UVRAG: variants seen among roughly 807,000 people sequenced by gnomAD.
UVRAG encodes the protein UV radiation resistance-associated gene protein.
UVRAG carries 19 observed loss-of-function variants against 78.0 expected under a neutral mutation model. That is an observed-to-expected ratio of 0.24 (90% CI 0.17 to 0.36). UVRAG has a LOEUF of 0.36. UVRAG is among the 10% of genes least tolerant of loss of function. The pLI is 1.00. For synonymous variants in UVRAG, 323 were observed against 324.6 expected, an observed-to-expected ratio of 1.00 and a Z score of 0.05; for missense variants, 740 against 853.8, an observed-to-expected ratio of 0.87 and a Z score of 1.66.
At chr11:75,834,763 G>A (rs1235253444) in intron 1 of UVRAG, among the ~76,000 whole-genome samples, 2 of 152,070 alleles carry the variant, frequency 1.3e-5, no homozygotes, top group African/African-American at 2.4e-5. Context: ...GTGGTGAGCC[G>A]GGATTGTGCC....
intron 2 of UVRAG, among the ~76,000 whole-genome samples, chr11:75,856,841 G>A (rs1946303828): frequency 6.6e-6 from 1 of 152,144 alleles, no homozygotes; most frequent in Non-Finnish European, 1.5e-5. Flanking sequence ...TTGGGGTCTA[G>A]TAGGTAACTT....
At chr11:75,838,824 G>A (rs1364424541) in intron 1 of UVRAG, 1 of 152,188 alleles carries the variant, frequency 6.6e-6, no homozygotes, top group Non-Finnish European at 1.5e-5. Context: ...CCATACCTCT[G>A]CCCTGATGAG....
At position 76,130,935 on chromosome 11, in the gene UVRAG, G is replaced by GTT. The variant is rs113202978; in HGVS notation, c.1398-9766_1398-9765dup. On this transcript the variant is annotated intron_variant, in intron 14 of 14. Coordinates refer to ENST00000356136, the MANE Select transcript of UVRAG (RefSeq NM_003369.4). ...AAAGGCAGAGGTTTTGGGTTTTTTT[G>GTT]TTTTTTTTTTTCATTTTTTCCCTGG... Among the ~76,000 whole-genome samples the GTT allele has an allele frequency of 8.4e-5, 12 of 142,012 alleles. No individual in the cohort carries two copies. The South Asian group carries it at 8.9e-4, about 11-fold the overall frequency. 93.2% of individuals were successfully genotyped at this position (142,012 alleles called of 152,430 possible).
intron 8 of UVRAG, among the ~76,000 whole-genome samples, chr11:75,994,888 G>A (rs1418132835): frequency 6.6e-6 from 1 of 152,186 alleles, no homozygotes; most frequent in Non-Finnish European, 1.5e-5. Flanking sequence ...TATGGCTGAA[G>A]TGAATTTTCT....
At chr11:76,069,921 A>G (rs1018721775) in intron 13 of UVRAG, among the ~76,000 whole-genome samples, 2 of 152,198 alleles carry the variant, frequency 1.3e-5, no homozygotes, top group Non-Finnish European at 2.9e-5. Flanking sequence ...GACAAAAACT[A>G]TTTTGCACAT....
At chr11:75,872,724 T>C (rs1021437563) in intron 3 of UVRAG, among the ~76,000 whole-genome samples, 1 of 152,172 alleles carries the variant, frequency 6.6e-6, no homozygotes, top group Non-Finnish European at 1.5e-5. Flanking sequence ...AGATATTGAC[T>C]TTGTCTTCCT....
At chr11:76,077,805 A>G (rs1951430336) in intron 13 of UVRAG, among the ~76,000 whole-genome samples, 1 of 152,162 alleles carries the variant, frequency 6.6e-6, no homozygotes, top group East Asian at 1.9e-4. Flanking sequence ...CTTACATAAC[A>G]GGCTTCCCTT....
chr11:75,979,315 TG>T (rs929321532), intron 7 of UVRAG, among the ~76,000 whole-genome samples: 8 of 152,310 alleles, frequency 5.3e-5, no homozygotes, highest in Admixed American at 2.0e-4. Flanking sequence ...TTAGGCTACT[TG>T]GGGGTCAGGG....
At chr11:75,952,167 C>G (rs772546161) in intron 6 of UVRAG, among the ~76,000 whole-genome samples, 1 of 152,072 alleles carries the variant, frequency 6.6e-6, no homozygotes, top group Non-Finnish European at 1.5e-5. Context: ...CTCATTAGTT[C>G]TAGTAGTTGG....
intron 14 of UVRAG, among the ~76,000 whole-genome samples, chr11:76,127,874 T>C (rs1245723522): frequency 1.3e-5 from 2 of 151,896 alleles, no homozygotes; most frequent in Non-Finnish European, 2.9e-5. Flanking sequence ...CAAGAATCAC[T>C]TGAACATGGG....
intron 13 of UVRAG, among the ~76,000 whole-genome samples, chr11:76,076,020 A>T (rs531614168): frequency 6.6e-6 from 1 of 152,224 alleles, no homozygotes; most frequent in African/African-American, 2.4e-5. Flanking sequence ...GGATGTTTCC[A>T]TTTCTTGGCT....
At chr11:75,865,578 A>G (rs951902484) in intron 3 of UVRAG, among the ~76,000 whole-genome samples, 8 of 151,770 alleles carry the variant, frequency 5.3e-5, no homozygotes, top group Admixed American at 1.3e-4. Flanking sequence ...AGTAGATATC[A>G]TATTAGACAG....
intron 6 of UVRAG, chr11:75,914,277 A>G (rs891190657): frequency 1.3e-5 from 2 of 152,202 alleles, no homozygotes; most frequent in Non-Finnish European, 2.9e-5. Context: ...TGCCTATTGA[A>G]TTAAACTCTA....
rs1000134371 is a variant in UVRAG at position 76,037,933 on chromosome 11, C to T, written c.1226+20953C>T. ...CTCAATCTGCAGATTCAACCAGCCA[C>T]GGATAGAAAATATTTAGACAAAAAC... is the stretch of plus-strand genomic sequence containing the variant. On this transcript the variant is annotated intron_variant, in intron 12 of 14. Transcript: ENST00000356136. Among the ~76,000 whole-genome samples the T allele has an allele frequency of 7.9e-5, 12 of 151,670 alleles. No homozygotes were observed. The South Asian group carries it at 1.0e-3, about 13-fold the overall frequency.
At chr11:76,057,071 TG>T (rs1248360354) in intron 12 of UVRAG, among the ~76,000 whole-genome samples, 1 of 152,180 alleles carries the variant, frequency 6.6e-6, no homozygotes, top group African/African-American at 2.4e-5. Flanking sequence ...GCATAGTGAG[TG>T]CCAAGGAGAA....
chr11:76,088,074 A>G (rs986858357), intron 13 of UVRAG, among the ~76,000 whole-genome samples: 19 of 151,932 alleles, frequency 1.3e-4, no homozygotes, highest in African/African-American at 4.6e-4. Flanking sequence ...GCTGATTTTT[A>G]TATGGTTTTT....
At position 76,141,272 on chromosome 11, in the gene UVRAG, C is replaced by T. The variant is rs768103768; in HGVS notation, c.1959C>T (p.Asn653=). ...FASGDQLEAF[N]CIPVDSAVAV... ...CAGGTGATCAGCTAGAAGCATTTAACTGCATCCCAGTGGACAGTGCTGTGG... is the reference window on the plus strand; with the variant it reads ...CAGGTGATCAGCTAGAAGCATTTAATTGCATCCCAGTGGACAGTGCTGTGG... Residue 653 remains asparagine, a synonymous_variant, in exon 15 of 15, where the codon AAC becomes AAT. Coordinates refer to ENST00000356136, the MANE Select transcript of UVRAG (RefSeq NM_003369.4). 6.2e-7 allele frequency: 1 copy of T among 1,614,246 alleles called. No individual in the cohort carries two copies. The highest frequency in any genetic ancestry group is 1.7e-5 in the Admixed American group (1 of 60,030).
chr11:75,955,250 A>T (rs1039628887), intron 6 of UVRAG, among the ~76,000 whole-genome samples: 5 of 152,166 alleles, frequency 3.3e-5, no homozygotes, highest in African/African-American at 1.2e-4. Context: ...AATCTCCTCT[A>T]TTGGATTCCT....
chr11:75,817,808 C>T (rs1945290481), intron 1 of UVRAG, among the ~76,000 whole-genome samples: 2 of 151,212 alleles, frequency 1.3e-5, no homozygotes, highest in East Asian at 3.9e-4. Context: ...CTTTTGGAGG[C>T]TGAGGTGGGG....
Sources: gnomAD v4.1 joint callset for allele counts (sites outside exome capture counted in the v4.1 genomes callset) on GRCh38, gnomAD v4.1.1 for gene constraint, MANE v1.5 for transcripts, NCBI Gene and HGNC (gene_info 2026-07-23, HGNC 2026-07-21) for gene names.